The following PCDHA4 variants were observed in gnomAD, a reference collection of about 807,000 sequenced individuals.
PCDHA4 encodes protocadherin alpha 4.
Under a neutral mutation model 61.4 loss-of-function variants are expected in PCDHA4, and 49 were observed. The ratio of observed to expected loss-of-function variants is 0.80; its 90% CI spans 0.63 to 1.01. The LOEUF is 1.01. Among genes scored for constraint, PCDHA4 ranks in the 50% least tolerant of loss-of-function variants. The pLI, the probability that PCDHA4 is intolerant of heterozygous loss-of-function variation, is 0.00. For missense variants in PCDHA4, 1,254 were observed against 1,235.8 expected (o/e 1.01, Z -0.22); for synonymous variants, 590 against 550.3 (o/e 1.07, Z -1.01).
chr5:140,832,072 T>A (rs2150199647), intron 1 of PCDHA4, among the ~76,000 whole-genome samples: 2,545 of 152,344 alleles, frequency 0.017, 42 homozygotes, highest in Non-Finnish European at 0.028. Context: ...ATCTGAGATG[T>A]CTCTAACATT....
intron 1 of PCDHA4, chr5:140,850,070 C>G: frequency 6.3e-7 from 1 of 1,596,564 alleles, no homozygotes; most frequent in Non-Finnish European, 8.6e-7. Context: ...CGTTGGACCA[C>G]GAGGAGCTGG....
chr5:140,926,303 C>G (rs1248613470), intron 1 of PCDHA4: 1 of 152,328 alleles, frequency 6.6e-6, no homozygotes, highest in African/African-American at 2.4e-5. Flanking sequence ...CCCGCCCTCT[C>G]CGCCGGAGAG....
At chr5:140,946,610 A>AT (rs2093970425) in intron 1 of PCDHA4, among the ~76,000 whole-genome samples, 1 of 119,932 alleles carries the variant, frequency 8.3e-6, no homozygotes, top group African/African-American at 3.4e-5. Flanking sequence ...AGAAAATGTG[A>AT]AATATATATA....
At chr5:140,979,175 A>C in intron 2 of PCDHA4, 168 bp downstream of exon 2, 8 of 951,628 alleles carry the variant, frequency 8.4e-6, no homozygotes, top group Non-Finnish European at 1.0e-5. Flanking sequence ...AAAGATCGCA[A>C]ATGGTCAGTG....
At chr5:140,876,565 G>T (rs371696514) in intron 1 of PCDHA4, 1 of 1,614,182 alleles carries the variant, frequency 6.2e-7, no homozygotes, top group Non-Finnish European at 8.5e-7. Context: ...GGATGCTCAG[G>T]TGGGTACCGT....
At chr5:140,895,485 C>A (rs2065029754) in intron 1 of PCDHA4, among the ~76,000 whole-genome samples, 1 of 152,114 alleles carries the variant, frequency 6.6e-6, no homozygotes, top group African/African-American at 2.4e-5. Flanking sequence ...GGAGAAATAC[C>A]TATTCAGAAC....
At chr5:140,869,126 G>C in intron 1 of PCDHA4, 1 of 1,611,852 alleles carries the variant, frequency 6.2e-7, no homozygotes, top group African/African-American at 1.3e-5. Context: ...CAGAGAAGGG[G>C]ATTGGGCACC....
At chr5:140,984,083 A>C (rs2097086103) in intron 3 of PCDHA4, among the ~76,000 whole-genome samples, 1 of 152,226 alleles carries the variant, frequency 6.6e-6, no homozygotes, top group South Asian at 2.1e-4. Context: ...GATGGAGTGA[A>C]GAAATGATGG....
At chr5:140,973,414 C>G (rs992904408) in intron 1 of PCDHA4, among the ~76,000 whole-genome samples, 1 of 152,204 alleles carries the variant, frequency 6.6e-6, no homozygotes, top group Non-Finnish European at 1.5e-5. Flanking sequence ...GCTTCCACTC[C>G]AGTTTTTCAT....
At chr5:140,832,389 C>G (rs1441016073) in intron 1 of PCDHA4, among the ~76,000 whole-genome samples, 1 of 152,132 alleles carries the variant, frequency 6.6e-6, no homozygotes, top group Non-Finnish European at 1.5e-5. Flanking sequence ...ATGGCAGAAA[C>G]TGGTAGTGGT....
intron 1 of PCDHA4, 115 bp downstream of exon 1, chr5:140,809,687 CATAT>C: frequency 2.3e-6 from 3 of 1,291,004 alleles, no homozygotes; most frequent in Non-Finnish European, 3.2e-6. Context: ...CCTCTTTTTA[CATAT>C]CCATTTTAAC....
chr5:140,889,025 A>G (rs2062065518), intron 1 of PCDHA4, among the ~76,000 whole-genome samples: 1 of 152,068 alleles, frequency 6.6e-6, no homozygotes, highest in South Asian at 2.1e-4. Flanking sequence ...TTCCTTGGAT[A>G]ACCGTAATTT....
In PCDHA4 at chr5:140,876,137, T is replaced by TA. The variant is rs781824852; in HGVS notation, c.2385+66567dup. The TA allele has an allele frequency of 1.3e-5, 21 of 1,613,798 alleles. No individual in the cohort carries two copies. The Middle Eastern group carries it at 4.9e-4, about 38-fold the overall frequency. On this transcript the variant is annotated intron_variant, in intron 1 of 3. Coordinates refer to ENST00000530339, the MANE Select transcript of PCDHA4 (RefSeq NM_018907.4). Reference sequence around the variant, plus strand: ...GTAATCGATGGCGGTAAACCAGAACTAACAGGGTCTGTCCAGATTCAAATA... The same window carrying TA: ...GTAATCGATGGCGGTAAACCAGAACTAAACAGGGTCTGTCCAGATTCAAATA...
rs1554124881 is a variant in PCDHA4, at chr5:140,808,911, G to T, written c.1724G>T (p.Gly575Val). 1 of 1,613,456 alleles carries T rather than the reference G, an allele frequency of 6.2e-7. No individual in the cohort carries two copies. The highest frequency in any genetic ancestry group is 8.5e-7 in the Non-Finnish European group (1 of 1,179,846). ...GCGCCTCGGGCGGGTGGCACTGGTG[G>T]CGCAGTGAGCGAGCTGGTGCCATGG... ...LLAPRAGGTG[G>V]AVSELVPWSV... The change falls in exon 1 of 4, where the codon GGC becomes GTC. Residue 575 changes from glycine to valine, a missense_variant. Physicochemically the swap from Gly to Val is moderately radical, Grantham distance 109. Coordinates refer to ENST00000530339, the MANE Select transcript of PCDHA4 (RefSeq NM_018907.4).
At chr5:140,812,648 C>G (rs1014643443) in intron 1 of PCDHA4, 2 of 152,056 alleles carry the variant, frequency 1.3e-5, no homozygotes, top group Non-Finnish European at 1.5e-5. Flanking sequence ...GTTTAAGAGA[C>G]AAGATCTCAC....
chr5:140,882,331 C>A, intron 1 of PCDHA4: 1 of 1,614,214 alleles, frequency 6.2e-7, no homozygotes, highest in South Asian at 1.1e-5. Context: ...TTCTGATCCT[C>A]GCAGCCTGGG....
chr5:140,851,090 A>G lies in PCDHA4; in HGVS notation c.2385+41518A>G. 3.9e-6 allele frequency: 5 copies of G among 1,295,740 alleles called. 1 individual carries two copies. Among genetic ancestry groups the G allele is most frequent in the African/African-American group, 1.5e-5 (1 of 65,588 alleles). The allele number at this position is 1,295,740 out of a possible 1,614,324, so 80.3% of individuals were successfully genotyped here. ...GAGAATTATAAACTGTATATTAAAT[A>G]GATATTTTTTGGGTGCTGAATCAAT... is the stretch of plus-strand genomic sequence containing the variant. On this transcript the variant is annotated intron_variant, in intron 1 of 3. Coordinates refer to ENST00000530339, the MANE Select transcript of PCDHA4 (RefSeq NM_018907.4).
Position 140,919,359 on chromosome 5 carries a change from G to A in PCDHA4, c.2386-59590G>A, listed in dbSNP as rs188480486. Among the ~76,000 whole-genome samples, 421 of 152,262 alleles carry A rather than the reference G, an allele frequency of 2.8e-3. 2 individuals carry two copies. The highest frequency in any genetic ancestry group is 0.014 in the Middle Eastern group (4 of 294). ...TGTTTGTATCTTTGAATCTAAAAGTGTCTCCTGCAGACAACACATAGTTGG... is the reference window on the plus strand; with the variant it reads ...TGTTTGTATCTTTGAATCTAAAAGTATCTCCTGCAGACAACACATAGTTGG... On this transcript the variant is annotated intron_variant, in intron 1 of 3. Coordinates refer to ENST00000530339, the MANE Select transcript of PCDHA4 (RefSeq NM_018907.4).
At chr5:140,941,216 T>TTTCTTTCTTTCC (rs782179127) in intron 1 of PCDHA4, among the ~76,000 whole-genome samples, 13 of 124,948 alleles carry the variant, frequency 1.0e-4, no homozygotes, top group Non-Finnish European at 1.8e-4. Context: ...TCTTTCTTCC[T>TTTCTTTCTTTCC]TTCTTTCTTT....
Sources: gnomAD v4.1 joint callset for allele counts (sites outside exome capture counted in the v4.1 genomes callset) on GRCh38, gnomAD v4.1.1 for gene constraint, MANE v1.5 for transcripts, NCBI Gene and HGNC (gene_info 2026-07-23, HGNC 2026-07-21) for gene names.